USP33: variants seen among roughly 807,000 people sequenced by gnomAD.
The protein encoded by USP33 is ubiquitin carboxyl-terminal hydrolase 33.
USP33 carries 46 observed loss-of-function variants against 124.2 expected under a neutral mutation model. The ratio of observed to expected loss-of-function variants is 0.37; its 90% confidence interval spans 0.29 to 0.47. USP33 has a LOEUF of 0.47. Ranked by LOEUF, USP33 falls within the 20% of genes least tolerant of loss-of-function variation. USP33 has a pLI of 0.99. For synonymous variants in USP33, 350 were observed against 352.3 expected, an observed-to-expected ratio of 0.99 and a Z score of 0.07; for missense variants, 851 against 1,070.6, an observed-to-expected ratio of 0.79 and a Z score of 2.86.
intron 20 of USP33, 71 bp from the exon 21 acceptor site, chr1:77,711,926 T>TA: frequency 7.2e-7 from 1 of 1,386,094 alleles, no homozygotes; most frequent in Non-Finnish European, 9.8e-7. Flanking sequence ...AGTGGCCAAA[T>TA]ACCCAGTAAA....
intron 1 of USP33, among the ~76,000 whole-genome samples, chr1:77,753,588 T>C (rs904593948): frequency 6.6e-6 from 1 of 152,018 alleles, no homozygotes; most frequent in African/African-American, 2.4e-5. Context: ...GTGCCTCTCA[T>C]AGAAAACCTT....
Position 77,728,719 on chromosome 1 carries a change from T to G in USP33, c.718-7A>C. 6.2e-7 allele frequency: 1 copy of G among 1,608,630 alleles called. No individual in the cohort carries two copies. Among genetic ancestry groups the G allele is most frequent in the Non-Finnish European group, 8.5e-7 (1 of 1,178,052 alleles). ...GAAGGAATTCTTGAGCATCCTAATA[T>G]ATCAGCAACATAATGTTAACCACTT... On this transcript the variant is annotated splice_region_variant and splice_polypyrimidine_tract_variant and intron_variant, in intron 9 of 23. Coordinates refer to ENST00000370794, the MANE Select transcript of USP33 (RefSeq NM_201624.3).
At chr1:77,756,867 T>C (rs1053904816) in intron 1 of USP33, among the ~76,000 whole-genome samples, 2 of 152,200 alleles carry the variant, frequency 1.3e-5, no homozygotes, top group Middle Eastern at 3.2e-3. Flanking sequence ...TAGCTTAACA[T>C]AAAGCCACCC....
intron 9 of USP33, among the ~76,000 whole-genome samples, chr1:77,729,344 C>T (rs1010481414): frequency 7.1e-6 from 1 of 140,156 alleles, no homozygotes; most frequent in African/African-American, 2.7e-5. Flanking sequence ...CCAGCCAGGG[C>T]AACATAATGA....
At chr1:77,744,624 C>T (rs972139616) in intron 1 of USP33, among the ~76,000 whole-genome samples, 3 of 152,086 alleles carry the variant, frequency 2.0e-5, no homozygotes, top group African/African-American at 7.2e-5. Context: ...CAGGAGGATT[C>T]CTTGAGCTCA....
rs567435742 is a variant in USP33, at chr1:77,734,984, A to G, written c.455-568T>C. On this transcript the variant is annotated intron_variant, in intron 6 of 23. Transcript: ENST00000370794. ...TAAAAATACAAAAAATTTGCCGGGC[A>G]TGGTGGCGGGTGCCTGTAGTCCCAG... Among the ~76,000 whole-genome samples the G allele has an allele frequency of 3.9e-5, 6 of 152,024 alleles. No homozygotes were observed. The East Asian group carries it at 9.6e-4, about 24-fold the overall frequency.
intron 10 of USP33, among the ~76,000 whole-genome samples, chr1:77,726,886 G>C (rs1381554651): frequency 2.0e-5 from 3 of 152,146 alleles, no homozygotes; most frequent in Non-Finnish European, 4.4e-5. Flanking sequence ...TACCTTGATT[G>C]TTTGCTTTGG....
At chr1:77,746,823 T>A (rs1335691518) in intron 1 of USP33, among the ~76,000 whole-genome samples, 1 of 152,198 alleles carries the variant, frequency 6.6e-6, no homozygotes, top group Non-Finnish European at 1.5e-5. Flanking sequence ...TCAACAAAAT[T>A]CAACAGCCCT....
At chr1:77,743,271 A>C (rs1679338413) in intron 1 of USP33, among the ~76,000 whole-genome samples, 1 of 152,128 alleles carries the variant, frequency 6.6e-6, no homozygotes, top group Non-Finnish European at 1.5e-5. Context: ...ACCCATTGCA[A>C]TAAATTTGCT....
rs1221944843 is a variant in USP33, at chr1:77,697,946, A to AT, written c.2510-16dup. On this transcript the variant is annotated splice_polypyrimidine_tract_variant and intron_variant, in intron 22 of 23. Transcript: ENST00000370794. ...ACCTGGAGGATCTAAAGGAAAAAAT[A>AT]TCAAAATGTATTTTTCAAAGAAATG... 1.9e-6 allele frequency: 3 copies of AT among 1,585,220 alleles called. No individual in the cohort carries two copies. Among genetic ancestry groups the AT allele is most frequent in the South Asian group, 2.4e-5 (2 of 85,072 alleles).
chr1:77,715,635 A>T, intron 18 of USP33, 107 bp downstream of exon 18: 1 of 1,325,054 alleles, frequency 7.5e-7, no homozygotes, highest in Non-Finnish European at 1.0e-6. Context: ...AATAGGAGGA[A>T]AACAATTCCT....
chr1:77,709,343 T>C (rs1674973488), intron 21 of USP33, among the ~76,000 whole-genome samples: 1 of 152,004 alleles, frequency 6.6e-6, no homozygotes, highest in Non-Finnish European at 1.5e-5. Flanking sequence ...ACACTGTCTC[T>C]ACAAAAAAAT....
intron 8 of USP33, 119 bp from the exon 9 acceptor site, chr1:77,730,057 T>C: frequency 3.3e-6 from 3 of 904,690 alleles, no homozygotes; most frequent in Non-Finnish European, 5.0e-6. Context: ...AAAAAAATCA[T>C]TCAAAACTGC....
intron 5 of USP33, 64 bp downstream of exon 5, chr1:77,739,201 T>G: frequency 6.5e-7 from 1 of 1,539,400 alleles, no homozygotes; most frequent in South Asian, 1.3e-5. Flanking sequence ...TTCAGCTACA[T>G]GACAAATTCT....
At chr1:77,718,513 G>A in intron 16 of USP33, 83 bp downstream of exon 16, 1 of 1,109,068 alleles carries the variant, frequency 9.0e-7, no homozygotes, top group South Asian at 1.4e-5. Flanking sequence ...ACCAAGCAAA[G>A]AGAATTTATT....
intron 10 of USP33, among the ~76,000 whole-genome samples, chr1:77,727,902 G>A (rs1677339630): frequency 6.6e-6 from 1 of 152,182 alleles, no homozygotes; most frequent in African/African-American, 2.4e-5. Context: ...AAACACATCT[G>A]ATGTGACTCC....
chr1:77,736,035 C>T (rs569497863), intron 6 of USP33, 21 bp downstream of exon 6: 6 of 1,548,606 alleles, frequency 3.9e-6, no homozygotes, highest in Admixed American at 1.7e-5. Context: ...TACAAAGAAG[C>T]GTTACACAGG....
At chr1:77,701,042 C>A (rs1007191647) in intron 22 of USP33, among the ~76,000 whole-genome samples, 2 of 152,138 alleles carry the variant, frequency 1.3e-5, no homozygotes, top group African/African-American at 2.4e-5. Flanking sequence ...TATTGTCATA[C>A]AATTTTACTT....
rs2101563474 is a variant in USP33, at chr1:77,742,951, T to TTTAC, written c.-51-1204_-51-1203insGTAA. ...ATTTATTTATTTATTTATTTATTTA[T>TTTAC]TTATTTTTGAGACAGAGTTTCACTC... is the stretch of plus-strand genomic sequence containing the variant. On this transcript the variant is annotated intron_variant, in intron 1 of 23. Coordinates refer to ENST00000370794, the MANE Select transcript of USP33 (RefSeq NM_201624.3). Among the ~76,000 whole-genome samples, 3 of 151,608 alleles carry TTTAC rather than the reference T, an allele frequency of 2.0e-5. No individual in the cohort carries two copies. The East Asian group carries it at 5.8e-4, about 29-fold the overall frequency.
Sources: gnomAD v4.1 joint callset for allele counts (sites outside exome capture counted in the v4.1 genomes callset) on GRCh38, gnomAD v4.1.1 for gene constraint, MANE v1.5 for transcripts, NCBI Gene and HGNC (gene_info 2026-07-23, HGNC 2026-07-21) for gene names.